GSTCD: variants seen among roughly 807,000 people sequenced by gnomAD.
GSTCD encodes the protein glutathione S-transferase C-terminal domain containing.
A neutral mutation model predicts 68.3 loss-of-function variants in GSTCD; 44 were observed. That is an observed-to-expected ratio of 0.64 (90% CI 0.51 to 0.83). The LOEUF is 0.83. GSTCD is among the 40% of genes least tolerant of loss of function. GSTCD has a pLI of 0.00. For synonymous variants in GSTCD, 273 were observed against 255.2 expected (o/e 1.07, Z -0.67); for missense variants, 739 against 735.9 (o/e 1.00, Z -0.05).
At chr4:105,818,546 G>C (rs1349552841) in intron 5 of GSTCD, among the ~76,000 whole-genome samples, 2 of 151,834 alleles carry the variant, frequency 1.3e-5, no homozygotes, top group African/African-American at 4.8e-5. Context: ...TAAAGGCCTT[G>C]CTTTCTTGCC....
chr4:105,779,239 C>CTAA (rs1281096377), intron 5 of GSTCD, among the ~76,000 whole-genome samples: 2 of 152,094 alleles, frequency 1.3e-5, no homozygotes, highest in African/African-American at 4.8e-5. Context: ...TTGGCCTTAA[C>CTAA]CTTCTTGAAG....
chr4:105,791,392 C>CAAA (rs56388145), intron 5 of GSTCD, among the ~76,000 whole-genome samples: 1 of 57,302 alleles, frequency 1.7e-5, no homozygotes. Flanking sequence ...GACTCCGTCT[C>CAAA]AAAAAAAAAA....
chr4:105,760,183 A>C (rs867291667), intron 5 of GSTCD, among the ~76,000 whole-genome samples: 2 of 151,974 alleles, frequency 1.3e-5, no homozygotes, highest in African/African-American at 4.8e-5. Context: ...AAAAAAAAAA[A>C]AAAGAGAGAA....
intron 5 of GSTCD, among the ~76,000 whole-genome samples, chr4:105,791,488 A>C (rs779050983): frequency 6.6e-6 from 1 of 151,896 alleles, no homozygotes; most frequent in Non-Finnish European, 1.5e-5. Context: ...GTTTGTTTTT[A>C]AATTGCTTTG....
Position 105,726,771 on chromosome 4 carries a change from G to C in GSTCD, c.1087G>C (p.Glu363Gln). The C allele has an allele frequency of 1.2e-6, 2 of 1,613,886 alleles. No individual in the cohort carries two copies. Among genetic ancestry groups the C allele is most frequent in the Non-Finnish European group, 8.5e-7 (1 of 1,179,830 alleles). ...HPNLCEVPGV[E>Q]EQSDPLFIGG... Reference sequence around the variant, plus strand: ...AAACTTATGTGAAGTCCCAGGTGTAGAAGAGCAAAGCGATCCTTTATTTAT... The same window carrying C: ...AAACTTATGTGAAGTCCCAGGTGTACAAGAGCAAAGCGATCCTTTATTTAT... Residue 363 changes from glutamate (E) to glutamine (Q), a missense_variant, in exon 4 of 12, where the codon GAA (glutamate) becomes CAA (glutamine). Physicochemically the swap from Glu to Gln is conservative, Grantham distance 29 (BLOSUM62 2). Transcript: ENST00000515279.
In GSTCD at chr4:105,719,154, T is replaced by A; in HGVS notation, c.521T>A (p.Val174Glu). Residue 174 changes from valine (V) to glutamate (E), a missense_variant, in exon 3 of 12, where the codon GTA becomes GAA. By Grantham distance (121) the Val-to-Glu change is moderately radical. Transcript: ENST00000515279. Reference sequence around the variant, plus strand: ...TCTGACCAGCCCCCAACTATACCTGTAGAAATACTACAGCTAGAGAAAAAG... The same window carrying A: ...TCTGACCAGCCCCCAACTATACCTGAAGAAATACTACAGCTAGAGAAAAAG... The part of the protein sequence containing the change: ...ESSDQPPTIP[V>E]EILQLEKKLS... 6.2e-7 allele frequency: 1 copy of A among 1,614,096 alleles called. No individual in the cohort carries two copies. The highest frequency in any genetic ancestry group is 8.5e-7 in the Non-Finnish European group (1 of 1,179,990).
chr4:105,809,501 A>G (rs1722667811), intron 5 of GSTCD, among the ~76,000 whole-genome samples: 1 of 152,058 alleles, frequency 6.6e-6, no homozygotes, highest in African/African-American at 2.4e-5. Flanking sequence ...GCCTATCTGT[A>G]ATACGTTTAC....
chr4:105,778,244 A>G (rs1438276087), intron 5 of GSTCD, among the ~76,000 whole-genome samples: 1 of 152,158 alleles, frequency 6.6e-6, no homozygotes, highest in African/African-American at 2.4e-5. Context: ...TAGTAAGAAT[A>G]TGGTAAATAT....
At chr4:105,832,612 T>G (rs1219977011) in intron 8 of GSTCD, among the ~76,000 whole-genome samples, 1 of 152,132 alleles carries the variant, frequency 6.6e-6, no homozygotes, top group Non-Finnish European at 1.5e-5. Context: ...ATCCTGCCCC[T>G]CAGTAGCTGT....
At position 105,759,452 on chromosome 4, in the gene GSTCD, C is replaced by T. The variant is rs774322116; in HGVS notation, c.1240+29953C>T. 5.3e-5 allele frequency among the ~76,000 whole-genome samples: 8 copies of T among 152,122 alleles called. No individual in the cohort carries two copies. In the South Asian group the frequency reaches 8.3e-4, roughly 16 times the overall value. ...GCTGTTGGTCCATTTGTCTCTTACTCCTGGAGGGTTAAATGTTAGTTGTGT... is the reference window on the plus strand; with the variant it reads ...GCTGTTGGTCCATTTGTCTCTTACTTCTGGAGGGTTAAATGTTAGTTGTGT... On this transcript the variant is annotated intron_variant, in intron 5 of 11. Transcript: ENST00000515279.
chr4:105,741,506 A>G (rs186996394), intron 5 of GSTCD, among the ~76,000 whole-genome samples: 49 of 152,322 alleles, frequency 3.2e-4, no homozygotes, highest in Admixed American at 2.9e-3. Flanking sequence ...ATTTTCATTA[A>G]TATTTATGTT....
At chr4:105,714,664 A>G (rs1013474638) in intron 1 of GSTCD, among the ~76,000 whole-genome samples, 1 of 151,812 alleles carries the variant, frequency 6.6e-6, no homozygotes, top group Non-Finnish European at 1.5e-5. Context: ...AAGATCATTA[A>G]GTAACATTTT....
intron 8 of GSTCD, among the ~76,000 whole-genome samples, chr4:105,834,177 T>C (rs1374478612): frequency 6.6e-6 from 1 of 152,238 alleles, no homozygotes; most frequent in Non-Finnish European, 1.5e-5. Flanking sequence ...CTCGAAATTC[T>C]TGTTTCGAAT....
chr4:105,713,865 C>G (rs1347309534), intron 1 of GSTCD, among the ~76,000 whole-genome samples: 1 of 151,456 alleles, frequency 6.6e-6, no homozygotes, highest in Admixed American at 6.6e-5. Context: ...GTTATGTATA[C>G]ATAATGCCAT....
intron 5 of GSTCD, among the ~76,000 whole-genome samples, chr4:105,758,731 A>G (rs1370682743): frequency 6.6e-6 from 1 of 152,190 alleles, no homozygotes; most frequent in Non-Finnish European, 1.5e-5. Flanking sequence ...AATTTTTGCT[A>G]CTAATATTAC....
At chr4:105,828,805 G>A (rs1489629256) in intron 8 of GSTCD, among the ~76,000 whole-genome samples, 1 of 152,156 alleles carries the variant, frequency 6.6e-6, no homozygotes, top group Non-Finnish European at 1.5e-5. Flanking sequence ...GAAATGAATA[G>A]GGAGGGACTG....
rs551246224 is a variant in GSTCD, at chr4:105,769,868, A to T, written c.1240+40369A>T. 1.1e-4 allele frequency among the ~76,000 whole-genome samples: 16 copies of T among 152,064 alleles called. No homozygotes were observed. In the South Asian group the frequency reaches 3.3e-3, roughly 32 times the overall value. ...TCTCCTGGGCTGAAGTGATCCTCTC[A>T]CCTCAGCCTCCTGAGTAGGTGGGAC... On this transcript the variant is annotated intron_variant, in intron 5 of 11. Transcript: ENST00000515279.
chr4:105,740,584 G>A (rs1051364004), intron 5 of GSTCD, among the ~76,000 whole-genome samples: 2 of 152,118 alleles, frequency 1.3e-5, no homozygotes, highest in Admixed American at 6.5e-5. Context: ...CATATGGAGT[G>A]CTAGGGGCTT....
chr4:105,733,385 A>G (rs1388210371), intron 5 of GSTCD, among the ~76,000 whole-genome samples: 1 of 152,214 alleles, frequency 6.6e-6, no homozygotes, highest in Non-Finnish European at 1.5e-5. Flanking sequence ...TATTGGGTGC[A>G]TATATATTTA....
Sources: allele counts gnomAD v4.1 joint callset (sites outside exome capture counted in the v4.1 genomes callset), GRCh38; gene constraint gnomAD v4.1.1; transcripts MANE v1.5; gene names NCBI Gene and HGNC (gene_info 2026-07-23, HGNC 2026-07-21).